The following FOXP2 variants were observed in gnomAD, a reference collection of about 807,000 sequenced individuals.
FOXP2 encodes the protein forkhead box protein P2.
A neutral mutation model predicts 115.8 loss-of-function variants in FOXP2; 12 were observed. The ratio of observed to expected loss-of-function variants is 0.10; its 90% CI spans 0.07 to 0.17. FOXP2 has a LOEUF of 0.17. Ranked by LOEUF, FOXP2 falls within the 10% of genes least tolerant of loss-of-function variation. The pLI is 1.00. For synonymous variants in FOXP2, 328 were observed against 297.7 expected (o/e 1.10, Z -1.05); for missense variants, 629 against 843.5 (o/e 0.75, Z 3.15).
At chr7:114,452,142 T>G (rs752523745) in intron 2 of FOXP2, among the ~76,000 whole-genome samples, 24 of 152,154 alleles carry the variant, frequency 1.6e-4, no homozygotes, top group Admixed American at 3.3e-4. Context: ...GTCAAATCAT[T>G]TTTCTTTCTT....
intron 3 of FOXP2, among the ~76,000 whole-genome samples, chr7:114,585,271 G>C (rs1189247934): frequency 6.6e-6 from 1 of 152,134 alleles, no homozygotes; most frequent in Non-Finnish European, 1.5e-5. Context: ...ATTTTTCTGA[G>C]TCTCACCCCA....
intron 1 of FOXP2, among the ~76,000 whole-genome samples, chr7:114,094,823 C>T (rs1006277101): frequency 1.3e-5 from 2 of 151,966 alleles, no homozygotes; most frequent in African/African-American, 4.8e-5. Context: ...TCAAGCCTCA[C>T]TAAATTTTTA....
chr7:114,205,827 G>A (rs1423893732), intron 1 of FOXP2, among the ~76,000 whole-genome samples: 3 of 152,116 alleles, frequency 2.0e-5, no homozygotes, highest in African/African-American at 7.2e-5. Context: ...ATCATTGGAT[G>A]AAGGCTATTC....
intron 1 of FOXP2, among the ~76,000 whole-genome samples, chr7:114,190,479 C>T (rs981172929): frequency 2.0e-5 from 3 of 152,148 alleles, no homozygotes; most frequent in Non-Finnish European, 4.4e-5. Flanking sequence ...GCCAGGGGCT[C>T]CCCGTCTTAG....
chr7:114,287,602 C>A (rs981947683), intron 1 of FOXP2, among the ~76,000 whole-genome samples: 3 of 151,940 alleles, frequency 2.0e-5, no homozygotes, highest in African/African-American at 7.2e-5. Context: ...GAAAATCCTA[C>A]AAAGCTCATT....
At chr7:114,211,948 C>T (rs2129161876) in intron 1 of FOXP2, among the ~76,000 whole-genome samples, 1 of 152,120 alleles carries the variant, frequency 6.6e-6, no homozygotes, top group Admixed American at 6.5e-5. Flanking sequence ...TGGTGGGTGT[C>T]TGTAATCCCA....
Position 114,324,978 on chromosome 7 carries a change from A to T in FOXP2, c.-11+36869A>T, listed in dbSNP as rs774902061. Among the ~76,000 whole-genome samples, 68 of 151,914 alleles carry T rather than the reference A, an allele frequency of 4.5e-4. 1 individual carries two copies. Among genetic ancestry groups the T allele is most frequent in the Non-Finnish European group, 1.5e-4 (10 of 67,778 alleles). The stretch of plus-strand genomic sequence containing the variant: ...GTACATGAGATGTTTTGATACAGGC[A>T]TGCAAAGAGAAATAATCATATCATG... On this transcript the variant is annotated intron_variant, in intron 2 of 17. Coordinates refer to the FOXP2 transcript ENST00000634411.
At chr7:114,212,124 T>TAAAATAAA (rs1554431719) in intron 1 of FOXP2, among the ~76,000 whole-genome samples, 2 of 143,160 alleles carry the variant, frequency 1.4e-5, no homozygotes, top group South Asian at 2.2e-4. Context: ...TAAAATAAAA[T>TAAAATAAA]ATATATATAT....
chr7:114,372,821 G>A (rs1792046241), intron 2 of FOXP2, among the ~76,000 whole-genome samples: 1 of 152,064 alleles, frequency 6.6e-6, no homozygotes, highest in African/African-American at 2.4e-5. Flanking sequence ...TAAAGGAACT[G>A]ACTGGAAATG....
chr7:114,109,342 T>A (rs1439315450), intron 1 of FOXP2, among the ~76,000 whole-genome samples: 4 of 152,078 alleles, frequency 2.6e-5, no homozygotes. Context: ...TCTTCATCTT[T>A]AATGTCATGC....
chr7:114,655,926 A>G (rs1202646531), intron 10 of FOXP2, among the ~76,000 whole-genome samples: 2 of 152,196 alleles, frequency 1.3e-5, no homozygotes. Flanking sequence ...CGAGTCCTGA[A>G]TAATGAGTTT....
chr7:114,128,265 G>A (rs978929523), intron 1 of FOXP2, among the ~76,000 whole-genome samples: 2 of 151,976 alleles, frequency 1.3e-5, no homozygotes, highest in African/African-American at 4.8e-5. Flanking sequence ...AACTCTTAAT[G>A]GATACATTTC....
At chr7:114,201,626 A>G (rs1337440013) in intron 1 of FOXP2, among the ~76,000 whole-genome samples, 7 of 152,214 alleles carry the variant, frequency 4.6e-5, no homozygotes, top group Admixed American at 4.6e-4. Flanking sequence ...TACTGAATAC[A>G]TACAATCAAA....
chr7:114,195,643 C>A (rs1793883475), intron 1 of FOXP2, among the ~76,000 whole-genome samples: 1 of 151,978 alleles, frequency 6.6e-6, no homozygotes, highest in African/African-American at 2.4e-5. Flanking sequence ...TCATTAAATT[C>A]ATATATTTTT....
chr7:114,250,540 T>G (rs1381160827), intron 1 of FOXP2, among the ~76,000 whole-genome samples: 1 of 152,254 alleles, frequency 6.6e-6, no homozygotes, highest in Non-Finnish European at 1.5e-5. Context: ...ATTTCCCTGA[T>G]GGCCAGTGAT....
At chr7:114,147,246 A>G (rs1194733744) in intron 1 of FOXP2, among the ~76,000 whole-genome samples, 4 of 152,196 alleles carry the variant, frequency 2.6e-5, no homozygotes, top group Admixed American at 6.5e-5. Flanking sequence ...TGCAAACTGT[A>G]AAATGCTATG....
intron 1 of FOXP2, among the ~76,000 whole-genome samples, chr7:114,164,441 T>C (rs1026491598): frequency 2.6e-5 from 4 of 151,922 alleles, no homozygotes; most frequent in Non-Finnish European, 5.9e-5. Flanking sequence ...CCCTCCTGGA[T>C]TCAAGTGATT....
At chr7:114,647,950 A>C (rs1806008820) in intron 8 of FOXP2, among the ~76,000 whole-genome samples, 1 of 152,060 alleles carries the variant, frequency 6.6e-6, no homozygotes, top group African/African-American at 2.4e-5. Flanking sequence ...GAAAGGCAGG[A>C]TGGCTAGTGT....
At chr7:114,676,963 GAGACCATCC>G (rs1329596496) in intron 16 of FOXP2, among the ~76,000 whole-genome samples, 2 of 151,970 alleles carry the variant, frequency 1.3e-5, no homozygotes, top group African/African-American at 4.8e-5. Context: ...TCAGGAGATT[GAGACCATCC>G]AGGCCAACAT....
Sources: gnomAD v4.1 joint callset for allele counts (sites outside exome capture counted in the v4.1 genomes callset) on GRCh38, gnomAD v4.1.1 for gene constraint, MANE v1.5 for transcripts, NCBI Gene and HGNC (gene_info 2026-07-23, HGNC 2026-07-21) for gene names.